Variants in DNAH7 observed in about 807,000 individuals in gnomAD.
DNAH7 encodes the protein dynein axonemal heavy chain 7.
DNAH7 carries 397 observed loss-of-function variants against 444.6 expected under a neutral mutation model. The ratio of observed to expected loss-of-function variants is 0.89; its 90% CI spans 0.82 to 0.97. DNAH7 has a LOEUF of 0.97. Among genes scored for constraint, DNAH7 ranks in the 50% least tolerant of loss-of-function variants. The pLI is 0.00. For missense variants in DNAH7, 4,902 were observed against 4,800.8 expected, an observed-to-expected ratio of 1.02 and a Z score of -0.62; for synonymous variants, 1,636 against 1,624.4, an observed-to-expected ratio of 1.01 and a Z score of -0.17.
chr2:195,754,605 G>A, intron 62 of DNAH7, 91 bp from the exon 63 acceptor site: 1 of 1,329,432 alleles, frequency 7.5e-7, no homozygotes, highest in Non-Finnish European at 1.0e-6. Flanking sequence ...GCCCAGGCAG[G>A]GCTCAGGTGA....
At chr2:195,975,678 G>C (rs1030636554) in intron 15 of DNAH7, among the ~76,000 whole-genome samples, 2 of 152,146 alleles carry the variant, frequency 1.3e-5, no homozygotes, top group African/African-American at 4.8e-5. Context: ...TTGAGGAGAG[G>C]AAGAGAAAAG....
At chr2:195,802,657 ACTGT>A (rs1696524380) in intron 54 of DNAH7, among the ~76,000 whole-genome samples, 1 of 152,050 alleles carries the variant, frequency 6.6e-6, no homozygotes, top group Non-Finnish European at 1.5e-5. Flanking sequence ...TGACAAAGAG[ACTGT>A]CTCAAAACAA....
At chr2:195,740,647 A>G (rs1161158328) in intron 64 of DNAH7, 119 bp downstream of exon 64, 5 of 30,318 alleles carry the variant, frequency 1.6e-4, no homozygotes, top group African/African-American at 1.1e-3. Context: ...ATATATATAC[A>G]TATACACACA....
chr2:195,794,480 G>C lies in DNAH7; in HGVS notation c.10574C>G (p.Ser3525Cys), dbSNP rs1696042756. The change falls in exon 57 of 65, where the codon TCT (serine) becomes TGT (cysteine). Residue 3525 changes from serine (S) to cysteine (C), a missense_variant. Coordinates refer to ENST00000312428, the MANE Select transcript of DNAH7 (RefSeq NM_018897.3). ...DFRMWLTSYP[S>C]PNFPVSVLQN... ...CAGTACTGACACAGGGAAATTTGGA[G>C]ATGGGTAACTCGTTAGCCACATTCG... 6.2e-7 allele frequency: 1 copy of C among 1,614,192 alleles called. No homozygotes were observed. The highest frequency in any genetic ancestry group is 8.5e-7 in the Non-Finnish European group (1 of 1,180,022).
intron 57 of DNAH7, among the ~76,000 whole-genome samples, chr2:195,792,394 T>TAAACACACAC: frequency 8.5e-6 from 1 of 117,332 alleles, no homozygotes; most frequent in East Asian, 2.5e-4. Flanking sequence ...AACCAAAAAA[T>TAAACACACAC]ACACACACAC....
At chr2:195,998,906 T>A in intron 12 of DNAH7, 2 of 499,440 alleles carry the variant, frequency 4.0e-6, no homozygotes, top group South Asian at 4.2e-5. Flanking sequence ...AAAAAAAAAG[T>A]CTAAGGGACC....
At position 196,026,894 on chromosome 2, in the gene DNAH7, G is replaced by A. The variant is rs947730904; in HGVS notation, c.533C>T (p.Ala178Val). Residue 178 changes from alanine to valine, a missense_variant, in exon 7 of 65, where the codon GCC (alanine) becomes GTC (valine). Physicochemically the swap from Ala to Val is moderately conservative, Grantham distance 64. Coordinates refer to ENST00000312428, the MANE Select transcript of DNAH7 (RefSeq NM_018897.3). ...IHHGIDTDHV[A>V]PMEDSWLEHV... ...TTCTAGCCAAGAATCTTCCATTGGG[G>A]CTACATGGTCTGTATCAATTCCATG... 6.2e-7 allele frequency: 1 copy of A among 1,612,164 alleles called. No individual in the cohort carries two copies. The highest frequency in any genetic ancestry group is 1.1e-5 in the South Asian group (1 of 90,940).
chr2:196,014,091 C>T (rs1694871387), intron 9 of DNAH7, among the ~76,000 whole-genome samples: 1 of 152,152 alleles, frequency 6.6e-6, no homozygotes, highest in Admixed American at 6.6e-5. Context: ...CATGAAATCT[C>T]TGCAGATAGC....
chr2:195,991,881 G>A (rs531482886), intron 12 of DNAH7, among the ~76,000 whole-genome samples: 4 of 152,246 alleles, frequency 2.6e-5, no homozygotes, highest in South Asian at 4.1e-4. Context: ...AGAAAATGAC[G>A]ATGCAAGAAT....
chr2:195,787,208 C>T (rs749889511), intron 57 of DNAH7, 37 bp from the exon 58 acceptor site: 2 of 1,556,240 alleles, frequency 1.3e-6, no homozygotes, highest in Non-Finnish European at 1.7e-6. Flanking sequence ...TCATTATTTT[C>T]TCCATATATT....
intron 19 of DNAH7, among the ~76,000 whole-genome samples, chr2:195,952,529 C>G (rs1690335836): frequency 6.6e-6 from 1 of 152,192 alleles, no homozygotes; most frequent in South Asian, 2.1e-4. Context: ...TGTTTTCCAG[C>G]TTGGTTCCAT....
intron 1 of DNAH7, among the ~76,000 whole-genome samples, chr2:196,060,464 G>A (rs2125891701): frequency 1.3e-5 from 2 of 152,144 alleles, no homozygotes; most frequent in Middle Eastern, 6.8e-3. Context: ...TAGAGGCCAA[G>A]GTGGTATTTA....
chr2:195,914,185 T>A (rs1451315896), intron 24 of DNAH7, among the ~76,000 whole-genome samples: 1 of 152,252 alleles, frequency 6.6e-6, no homozygotes, highest in African/African-American at 2.4e-5. Context: ...CTTTCCCATC[T>A]GACTGAAAAA....
At chr2:196,041,254 C>T (rs886413766) in intron 5 of DNAH7, among the ~76,000 whole-genome samples, 2 of 151,434 alleles carry the variant, frequency 1.3e-5, no homozygotes, top group African/African-American at 4.8e-5. Context: ...TAATCCTTAA[C>T]AACAACAACA....
chr2:196,065,026 T>A (rs375090723), intron 1 of DNAH7, among the ~76,000 whole-genome samples: 1 of 152,216 alleles, frequency 6.6e-6, no homozygotes, highest in South Asian at 2.1e-4. Context: ...TGGTTTATTA[T>A]CCATAAAAAA....
chr2:195,958,723 A>T (rs1303835958), intron 18 of DNAH7, among the ~76,000 whole-genome samples: 1 of 152,192 alleles, frequency 6.6e-6, no homozygotes, highest in Non-Finnish European at 1.5e-5. Context: ...TACTCCATAA[A>T]CTAATAATTT....
intron 58 of DNAH7, among the ~76,000 whole-genome samples, chr2:195,780,781 T>C (rs1344631868): frequency 1.3e-5 from 2 of 151,900 alleles, no homozygotes; most frequent in Non-Finnish European, 2.9e-5. Flanking sequence ...AAAAAATATA[T>C]ATATTTTTAT....
At chr2:196,020,739 T>C (rs1030215309) in intron 8 of DNAH7, among the ~76,000 whole-genome samples, 11 of 151,802 alleles carry the variant, frequency 7.2e-5, no homozygotes, top group African/African-American at 2.7e-4. Flanking sequence ...GCCTCTTGAG[T>C]AGCTGGGATT....
intron 17 of DNAH7, among the ~76,000 whole-genome samples, chr2:195,963,057 C>A (rs1305806752): frequency 6.6e-6 from 1 of 152,204 alleles, no homozygotes; most frequent in East Asian, 1.9e-4. Context: ...CTATTGTGAA[C>A]AGTTCTGCAA....
Sources: gnomAD v4.1 joint callset for allele counts (sites outside exome capture counted in the v4.1 genomes callset) on GRCh38, gnomAD v4.1.1 for gene constraint, MANE v1.5 for transcripts, NCBI Gene and HGNC (gene_info 2026-07-23, HGNC 2026-07-21) for gene names.